The following KLHL5 variants were observed in gnomAD, a reference collection of about 807,000 sequenced individuals.
The protein encoded by KLHL5 is kelch-like protein 5.
In KLHL5, 48 loss-of-function variants were observed where a neutral mutation model predicts 77.7. The ratio of observed to expected loss-of-function variants is 0.62; its 90% CI spans 0.49 to 0.79. The LOEUF is 0.79. Ranked by LOEUF, KLHL5 falls within the 30% of genes least tolerant of loss-of-function variation. The pLI is 0.00. For missense variants in KLHL5, 723 were observed against 859.7 expected, an observed-to-expected ratio of 0.84 and a Z score of 1.99; for synonymous variants, 260 against 297.0, an observed-to-expected ratio of 0.88 and a Z score of 1.28.
At chr4:39,119,307 C>T (rs1011455396) in intron 10 of KLHL5, among the ~76,000 whole-genome samples, 1 of 152,166 alleles carries the variant, frequency 6.6e-6, no homozygotes, top group Non-Finnish European at 1.5e-5. Flanking sequence ...TTTTCCTGGG[C>T]CAGGCATGGT....
chr4:39,121,046 G>C lies in KLHL5; in HGVS notation c.2110G>C (p.Val704Leu), dbSNP rs753909198. Reference protein sequence around the residue: ...PLCLGRAGACVVTVKL With the variant: ...PLCLGRAGACLVTVKL ...GTGCCTAGGAAGAGCTGGAGCTTGTGTTGTGACTGTAAAATTATAATTTAG... is the reference window on the plus strand; with the variant it reads ...GTGCCTAGGAAGAGCTGGAGCTTGTCTTGTGACTGTAAAATTATAATTTAG... The change falls in exon 11 of 11, where the codon GTT becomes CTT. Residue 704 changes from valine (V) to leucine (L), a missense_variant. Transcript: ENST00000504108. 23 of 1,613,004 alleles carry C rather than the reference G, an allele frequency of 1.4e-5. No homozygotes were observed. In the Admixed American group the frequency reaches 3.8e-4, roughly 27 times the overall value.
chr4:39,091,931 C>T (rs370196857), intron 5 of KLHL5, among the ~76,000 whole-genome samples: 25 of 150,812 alleles, frequency 1.7e-4, no homozygotes, highest in African/African-American at 5.6e-4. Flanking sequence ...GCAATCCTCC[C>T]GCCTAAGCCT....
intron 5 of KLHL5, among the ~76,000 whole-genome samples, chr4:39,096,199 T>C (rs541243282): frequency 1.6e-3 from 233 of 149,070 alleles, no homozygotes; most frequent in Non-Finnish European, 2.6e-3. Context: ...TTTAATGTTT[T>C]TAGACCAATC....
At chr4:39,142,025 C>T in the KLHL5 span, among the ~76,000 whole-genome samples, 2 of 152,162 alleles carry the variant, frequency 1.3e-5, no homozygotes, top group Admixed American at 6.6e-5. Flanking sequence ...TTATCACTCA[C>T]GACCACCTCC....
chr4:39,119,833 G>C (rs747196363), intron 10 of KLHL5, among the ~76,000 whole-genome samples: 21 of 152,174 alleles, frequency 1.4e-4, no homozygotes, highest in Non-Finnish European at 2.8e-4. Flanking sequence ...TGGATGATTT[G>C]AGAAGAGCTA....
At chr4:39,134,542 G>C in the KLHL5 span, among the ~76,000 whole-genome samples, 1 of 152,136 alleles carries the variant, frequency 6.6e-6, no homozygotes, top group South Asian at 2.1e-4. Flanking sequence ...GTGAGTTTAA[G>C]CTGTCTACAT....
At chr4:39,078,624 G>T (rs1324774317) in intron 2 of KLHL5, among the ~76,000 whole-genome samples, 1 of 151,124 alleles carries the variant, frequency 6.6e-6, no homozygotes, top group Admixed American at 6.6e-5. Context: ...GATCCTGGGA[G>T]GCAGAGGTTG....
intron 1 of KLHL5, among the ~76,000 whole-genome samples, chr4:39,051,786 C>A (rs977895654): frequency 1.3e-5 from 2 of 152,184 alleles, no homozygotes; most frequent in African/African-American, 4.8e-5. Flanking sequence ...ACTGAGTTTC[C>A]AGGGTTCTGT....
intron 1 of KLHL5, among the ~76,000 whole-genome samples, chr4:39,068,513 A>C (rs1718112768): frequency 6.6e-6 from 1 of 151,636 alleles, no homozygotes; most frequent in African/African-American, 2.4e-5. Flanking sequence ...TCTGAAGGCT[A>C]TCTGTATGCT....
intron 7 of KLHL5, among the ~76,000 whole-genome samples, chr4:39,106,073 A>G (rs1722014053): frequency 6.6e-6 from 1 of 152,102 alleles, no homozygotes; most frequent in South Asian, 2.1e-4. Context: ...CTTACAAGAG[A>G]TAAGATCAGA....
intron 8 of KLHL5, among the ~76,000 whole-genome samples, chr4:39,109,728 T>A (rs1722318113): frequency 6.6e-6 from 1 of 151,134 alleles, no homozygotes; most frequent in African/African-American, 2.4e-5. Flanking sequence ...CTCAGCTCAC[T>A]GCACCCTCCA....
chr4:39,058,608 C>A (rs1377191369), upstream of KLHL5, among the ~76,000 whole-genome samples: 1 of 151,880 alleles, frequency 6.6e-6, no homozygotes, highest in Non-Finnish European at 1.5e-5. Flanking sequence ...CAGAGTGATA[C>A]CCTGTCTCAA....
intron 10 of KLHL5, among the ~76,000 whole-genome samples, chr4:39,118,337 AT>A (rs34368846): frequency 2.4e-4 from 36 of 148,696 alleles, no homozygotes; most frequent in African/African-American, 2.5e-4. Context: ...AGAGCCAAGG[AT>A]TTTTTTTTTT....
rs374509623 is a variant in KLHL5 at position 39,121,086 on chromosome 4, C to G, written c.*20C>G. 3 of 1,532,090 alleles carry G rather than the reference C, an allele frequency of 2.0e-6. No individual in the cohort carries two copies. The highest frequency in any genetic ancestry group is 2.7e-6 in the Non-Finnish European group (3 of 1,105,068). 94.9% of individuals were successfully genotyped at this position (1,532,090 alleles called of 1,614,324 possible). A position where few individuals can be genotyped will look rare whatever the true frequency, so the allele number is the denominator to read the frequency against. ...TTATAATTTAGTGCCCCGTTTTCTA[C>G]ATGAAGACACCGTCTTCCTTTATTA... On this transcript the variant is annotated 3_prime_UTR_variant, in exon 11 of 11. Coordinates refer to ENST00000504108, the MANE Select transcript of KLHL5 (RefSeq NM_015990.5).
At chr4:39,084,317 A>T (rs2045588280) in intron 4 of KLHL5, among the ~76,000 whole-genome samples, 1 of 152,190 alleles carries the variant, frequency 6.6e-6, no homozygotes, top group African/African-American at 2.4e-5. Context: ...CTGTTTTCTC[A>T]TTCTGCCTGC....
At chr4:39,063,852 A>T (rs1238180106) in intron 1 of KLHL5, 1 of 162,324 alleles carries the variant, frequency 6.2e-6, no homozygotes, top group East Asian at 1.6e-4. Flanking sequence ...TTTATCTTTG[A>T]AATGGATTTT....
At chr4:39,068,227 T>G (rs1451500680) in intron 1 of KLHL5, among the ~76,000 whole-genome samples, 9 of 152,120 alleles carry the variant, frequency 5.9e-5, no homozygotes, top group Non-Finnish European at 1.2e-4. Flanking sequence ...TATTATTTGA[T>G]CTAGTCTATT....
intron 2 of KLHL5, among the ~76,000 whole-genome samples, chr4:39,076,552 T>C (rs1389999168): frequency 6.6e-6 from 1 of 152,094 alleles, no homozygotes; most frequent in Non-Finnish European, 1.5e-5. Context: ...TAGCCATATC[T>C]ATCCCAACTT....
intron 6 of KLHL5, among the ~76,000 whole-genome samples, chr4:39,098,632 C>T (rs1377397016): frequency 8.6e-5 from 13 of 151,668 alleles, no homozygotes; most frequent in African/African-American, 2.7e-4. Flanking sequence ...GGCATGATCT[C>T]GGCTCACTGC....
Sources: gnomAD v4.1 joint callset for allele counts (sites outside exome capture counted in the v4.1 genomes callset) on GRCh38, gnomAD v4.1.1 for gene constraint, MANE v1.5 for transcripts, NCBI Gene and HGNC (gene_info 2026-07-23, HGNC 2026-07-21) for gene names.